TNPO3: variants seen among roughly 807,000 people sequenced by gnomAD.
The protein encoded by TNPO3 is transportin-3.
A neutral mutation model predicts 122.8 loss-of-function variants in TNPO3; 65 were observed. The observed-to-expected ratio is 0.53, with a 90% CI of 0.43 to 0.65. TNPO3 has a LOEUF of 0.65. TNPO3 is among the 30% of genes least tolerant of loss of function. The probability of loss-of-function intolerance (pLI) is 0.00; values close to 1 mark genes in which losing one functional copy is unlikely to be tolerated. For synonymous variants in TNPO3, 372 were observed against 411.2 expected (o/e 0.90, Z 1.15); for missense variants, 850 against 1,136.7 (o/e 0.75, Z 3.63).
rs1196607278 is a variant in TNPO3, at chr7:129,016,976, T to C, written c.395+7A>G. 6.2e-7 allele frequency: 1 copy of C among 1,612,738 alleles called. No individual in the cohort carries two copies. The highest frequency in any genetic ancestry group is 1.3e-5 in the African/African-American group (1 of 74,932). On this transcript the variant is annotated splice_region_variant and intron_variant, in intron 3 of 22. Coordinates refer to ENST00000265388, the MANE Select transcript of TNPO3 (RefSeq NM_012470.4). The stretch of plus-strand genomic sequence containing the variant: ...ATGCTAATATAGAGTCAATACAAAT[T>C]ACTTACTTTTCCACCAGTGTTTGCA...
intron 21 of TNPO3, among the ~76,000 whole-genome samples, chr7:128,965,753 A>G (rs140736388): frequency 1.4e-4 from 21 of 152,348 alleles, no homozygotes; most frequent in Non-Finnish European, 1.0e-4. Flanking sequence ...TTTAGCCTTT[A>G]AATGGAAGAA....
chr7:128,976,262 T>C (rs931115843), intron 16 of TNPO3, among the ~76,000 whole-genome samples: 2 of 152,198 alleles, frequency 1.3e-5, no homozygotes, highest in African/African-American at 2.4e-5. Context: ...GTTGCTCTCA[T>C]TTGCACTGTA....
intron 3 of TNPO3, 88 bp downstream of exon 3, chr7:129,016,895 T>A (rs1389635543): frequency 1.8e-6 from 2 of 1,098,608 alleles, no homozygotes; most frequent in African/African-American, 1.5e-5. Context: ...AGGGAAATAG[T>A]CAAATATCTA....
At chr7:129,038,351 G>C (rs1451750620) in intron 1 of TNPO3, among the ~76,000 whole-genome samples, 1 of 152,168 alleles carries the variant, frequency 6.6e-6, no homozygotes, top group Non-Finnish European at 1.5e-5. Context: ...TGAGGTTGCA[G>C]AGAAAAAGAA....
intron 21 of TNPO3, among the ~76,000 whole-genome samples, chr7:128,964,954 A>C (rs182709628): frequency 6.6e-6 from 1 of 152,218 alleles, no homozygotes; most frequent in Non-Finnish European, 1.5e-5. Flanking sequence ...AAAAGGATCA[A>C]AGACCTGATA....
At chr7:128,984,847 C>G (rs912063723) in intron 12 of TNPO3, among the ~76,000 whole-genome samples, 2 of 152,156 alleles carry the variant, frequency 1.3e-5, no homozygotes, top group Non-Finnish European at 2.9e-5. Flanking sequence ...TTACAAAAGC[C>G]TCCTACCCCC....
At chr7:128,989,408 A>C (rs575641268) in intron 11 of TNPO3, among the ~76,000 whole-genome samples, 4 of 152,180 alleles carry the variant, frequency 2.6e-5, no homozygotes, top group Non-Finnish European at 5.9e-5. Flanking sequence ...CTTGTCTATA[A>C]AAAGAGGAGG....
intron 5 of TNPO3, among the ~76,000 whole-genome samples, chr7:129,002,398 C>T (rs1802033957): frequency 6.6e-6 from 1 of 152,132 alleles, no homozygotes. Flanking sequence ...GAAGGGAATC[C>T]TCCCGGGTTT....
At chr7:128,963,034 G>GGAGACAT (rs1455022139) in intron 21 of TNPO3, among the ~76,000 whole-genome samples, 4 of 152,204 alleles carry the variant, frequency 2.6e-5, no homozygotes, top group Non-Finnish European at 5.9e-5. Context: ...AGAGTCAACA[G>GGAGACAT]GAGACATGCC....
intron 7 of TNPO3, among the ~76,000 whole-genome samples, chr7:128,997,940 T>C (rs11763684): frequency 0.58 from 87,657 of 151,490 alleles, 25,646 homozygotes; most frequent in South Asian, 0.62. Flanking sequence ...TGAGCTCAAG[T>C]GATCCTCCTG....
intron 21 of TNPO3, among the ~76,000 whole-genome samples, chr7:128,961,828 C>T (rs184058302): frequency 7.1e-4 from 108 of 152,298 alleles, no homozygotes; most frequent in South Asian, 1.5e-3. Context: ...GATTCAACCC[C>T]TTACTGGCCT....
At chr7:128,964,441 T>C (rs966326563) in intron 21 of TNPO3, among the ~76,000 whole-genome samples, 2 of 148,914 alleles carry the variant, frequency 1.3e-5, no homozygotes, top group Non-Finnish European at 3.0e-5. Context: ...GTTCACGCCA[T>C]TCTCCTGCCT....
intron 14 of TNPO3, 60 bp from the exon 15 acceptor site, chr7:128,980,091 G>T: frequency 6.9e-7 from 1 of 1,440,248 alleles, no homozygotes. Context: ...AGGACCCAGA[G>T]CCCTGATCCC....
chr7:128,986,692 T>A (rs200923330), intron 12 of TNPO3, 37 bp downstream of exon 12: 1 of 1,563,216 alleles, frequency 6.4e-7, no homozygotes, highest in Non-Finnish European at 8.7e-7. Context: ...GGTAGTGGCT[T>A]TGAGGTGACT....
intron 1 of TNPO3, among the ~76,000 whole-genome samples, chr7:129,030,894 G>C (rs1805857459): frequency 6.6e-6 from 1 of 152,150 alleles, no homozygotes; most frequent in South Asian, 2.1e-4. Context: ...ATGGCGGAAT[G>C]GGCCAAAAGC....
chr7:129,028,483 A>G (rs963095286), intron 1 of TNPO3, among the ~76,000 whole-genome samples: 2 of 152,238 alleles, frequency 1.3e-5, no homozygotes, highest in African/African-American at 4.8e-5. Flanking sequence ...ATCCAAAGCT[A>G]GCAAAAAGAA....
At chr7:128,983,367 T>C (rs1285164511) in intron 13 of TNPO3, among the ~76,000 whole-genome samples, 1 of 152,092 alleles carries the variant, frequency 6.6e-6, no homozygotes, top group Non-Finnish European at 1.5e-5. Context: ...TCACCACACC[T>C]GGCTAATTTT....
At chr7:129,047,460 A>G (rs1808186200) in intron 1 of TNPO3, among the ~76,000 whole-genome samples, 1 of 152,226 alleles carries the variant, frequency 6.6e-6, no homozygotes, top group South Asian at 2.1e-4. Flanking sequence ...GTTATCAGTG[A>G]TATCTATCTA....
At chr7:129,045,006 T>C (rs1807850715) in intron 1 of TNPO3, among the ~76,000 whole-genome samples, 1 of 152,170 alleles carries the variant, frequency 6.6e-6, no homozygotes, top group Admixed American at 6.5e-5. Flanking sequence ...TACAACGGGA[T>C]ATTATTCAGC....
Sources: allele counts gnomAD v4.1 joint callset (sites outside exome capture counted in the v4.1 genomes callset), GRCh38; gene constraint gnomAD v4.1.1; transcripts MANE v1.5; gene names NCBI Gene and HGNC (gene_info 2026-07-23, HGNC 2026-07-21).